LINGO2: variants seen among roughly 807,000 people sequenced by gnomAD.
LINGO2 encodes the protein leucine-rich repeat and immunoglobulin-like domain-containing nogo receptor-interacting protein 2.
LINGO2 carries 14 observed loss-of-function variants against 30.6 expected under a neutral mutation model. The observed-to-expected ratio is 0.46, with a 90% CI of 0.30 to 0.72. The LOEUF is 0.72. Among genes scored for constraint, LINGO2 ranks in the 30% least tolerant of loss-of-function variants. The pLI is 0.07. For missense variants in LINGO2, 729 were observed against 751.7 expected, an observed-to-expected ratio of 0.97 and a Z score of 0.35; for synonymous variants, 317 against 288.5, an observed-to-expected ratio of 1.10 and a Z score of -1.00.
chr9:28,256,371 C>CA (rs1237827295), intron 4 of LINGO2, among the ~76,000 whole-genome samples: 1 of 151,776 alleles, frequency 6.6e-6, no homozygotes, highest in Non-Finnish European at 1.5e-5. Flanking sequence ...TCTTTAAGAG[C>CA]ACATGAAGGA....
the LINGO2 span, among the ~76,000 whole-genome samples, chr9:28,987,685 A>T: frequency 6.6e-6 from 1 of 152,176 alleles, no homozygotes; most frequent in East Asian, 1.9e-4. Context: ...ATTGTTATAA[A>T]CTTACCTCTT....
At chr9:29,002,963 T>C in the LINGO2 span, among the ~76,000 whole-genome samples, 1 of 151,708 alleles carries the variant, frequency 6.6e-6, no homozygotes, top group Non-Finnish European at 1.5e-5. Flanking sequence ...CATACTGGAG[T>C]AGGGTGAAGT....
At chr9:28,733,740 A>G in the LINGO2 span, among the ~76,000 whole-genome samples, 2 of 152,154 alleles carry the variant, frequency 1.3e-5, no homozygotes, top group African/African-American at 4.8e-5. Flanking sequence ...TTTACCAGTT[A>G]TACTGACTTC....
intron 4 of LINGO2, among the ~76,000 whole-genome samples, chr9:28,223,197 A>T (rs926645103): frequency 6.6e-6 from 1 of 152,184 alleles, no homozygotes; most frequent in Non-Finnish European, 1.5e-5. Flanking sequence ...TAATTTATTT[A>T]AAAAATTTTG....
At chr9:28,688,854 A>T in the LINGO2 span, among the ~76,000 whole-genome samples, 4 of 152,120 alleles carry the variant, frequency 2.6e-5, no homozygotes, top group African/African-American at 9.7e-5. Context: ...CTGTGCACAT[A>T]ACGTCCTATA....
chr9:28,537,608 T>C (rs1030169839), intron 1 of LINGO2, among the ~76,000 whole-genome samples: 1 of 151,420 alleles, frequency 6.6e-6, no homozygotes, highest in Admixed American at 6.6e-5. Flanking sequence ...GAAAGAGAGC[T>C]GAAGAAGAAT....
intron 1 of LINGO2, among the ~76,000 whole-genome samples, chr9:28,634,460 C>T (rs77862333): frequency 0.07 from 10,535 of 150,798 alleles, 543 homozygotes; most frequent in Admixed American, 0.18. Context: ...CCCCTCCCCC[C>T]ACACTTTCTT....
At chr9:28,981,112 AT>A in the LINGO2 span, among the ~76,000 whole-genome samples, 1 of 152,140 alleles carries the variant, frequency 6.6e-6, no homozygotes, top group Non-Finnish European at 1.5e-5. Context: ...AGGAGATATT[AT>A]TTTGAGATGA....
At chr9:28,168,395 A>C (rs1356790640) in intron 4 of LINGO2, among the ~76,000 whole-genome samples, 1 of 152,246 alleles carries the variant, frequency 6.6e-6, no homozygotes, top group East Asian at 1.9e-4. Context: ...AGGCTTCTTC[A>C]GGAAAAATAA....
At chr9:28,837,839 A>C in the LINGO2 span, among the ~76,000 whole-genome samples, 2 of 150,690 alleles carry the variant, frequency 1.3e-5, no homozygotes, top group South Asian at 4.2e-4. Context: ...AAAAACAAAA[A>C]TTTGAGGTCA....
intron 2 of LINGO2, among the ~76,000 whole-genome samples, chr9:28,402,780 C>G (rs993827189): frequency 6.6e-6 from 1 of 152,134 alleles, no homozygotes; most frequent in Non-Finnish European, 1.5e-5. Flanking sequence ...TCTTTCCCAT[C>G]ACGTTTTTTC....
chr9:28,177,630 C>A (rs1022625817), intron 4 of LINGO2, among the ~76,000 whole-genome samples: 5 of 151,954 alleles, frequency 3.3e-5, no homozygotes, highest in Admixed American at 6.6e-5. Context: ...AATGTTCCAA[C>A]AAATATTGTT....
At chr9:29,020,120 C>A in the LINGO2 span, among the ~76,000 whole-genome samples, 169 of 152,256 alleles carry the variant, frequency 1.1e-3, no homozygotes, top group Middle Eastern at 0.014. Context: ...CCACTTACAC[C>A]TGAATGTTTA....
chr9:28,133,302 A>C, intron 4 of LINGO2, among the ~76,000 whole-genome samples: 1 of 152,302 alleles, frequency 6.6e-6, no homozygotes, highest in East Asian at 1.9e-4. Flanking sequence ...ACATATTAAA[A>C]GTTTTGGGTG....
At chr9:28,256,459 G>A (rs1031800009) in intron 4 of LINGO2, among the ~76,000 whole-genome samples, 2 of 151,746 alleles carry the variant, frequency 1.3e-5, no homozygotes, top group Non-Finnish European at 2.9e-5. Flanking sequence ...TGCTACCCTC[G>A]TAGGTTTTCT....
chr9:28,015,716 C>A (rs1476758279), intron 4 of LINGO2, among the ~76,000 whole-genome samples: 2 of 152,036 alleles, frequency 1.3e-5, no homozygotes, highest in African/African-American at 4.8e-5. Context: ...AACTAACAAT[C>A]ACAATTAGAG....
At chr9:28,902,875 A>T in the LINGO2 span, among the ~76,000 whole-genome samples, 2 of 152,108 alleles carry the variant, frequency 1.3e-5, no homozygotes, top group African/African-American at 4.8e-5. Context: ...TTCAGAAAAA[A>T]CAGTTCTAAG....
chr9:28,681,056 G>A, the LINGO2 span, among the ~76,000 whole-genome samples: 1 of 152,008 alleles, frequency 6.6e-6, no homozygotes, highest in East Asian at 1.9e-4. Context: ...TCTTCTTCAA[G>A]TAGTTTTGAA....
intron 4 of LINGO2, among the ~76,000 whole-genome samples, chr9:28,023,180 T>C (rs1238989125): frequency 6.6e-6 from 1 of 152,172 alleles, no homozygotes; most frequent in Admixed American, 6.5e-5. Context: ...GATGTTTGCA[T>C]TTTGTCTTCA....
Sources: gnomAD v4.1 joint callset for allele counts (sites outside exome capture counted in the v4.1 genomes callset) on GRCh38, gnomAD v4.1.1 for gene constraint, MANE v1.5 for transcripts, NCBI Gene and HGNC (gene_info 2026-07-23, HGNC 2026-07-21) for gene names.